Variants in TENM2 observed in about 807,000 individuals in gnomAD.
The protein encoded by TENM2 is teneurin-2.
In TENM2, 52 loss-of-function variants were observed where a neutral mutation model predicts 245.2. That is an observed-to-expected ratio of 0.21 (90% CI 0.17 to 0.27). TENM2 has a LOEUF of 0.27. TENM2 is among the 10% of genes least tolerant of loss of function. The probability of loss-of-function intolerance (pLI) is 1.00; values close to 1 mark genes in which losing one functional copy is unlikely to be tolerated. For missense variants in TENM2, 3,046 were observed against 3,666.8 expected (o/e 0.83, Z 4.37); for synonymous variants, 1,363 against 1,438.9 (o/e 0.95, Z 1.19).
the TENM2 span, among the ~76,000 whole-genome samples, chr5:167,105,103 A>G: frequency 6.6e-6 from 1 of 152,210 alleles, no homozygotes; most frequent in South Asian, 2.1e-4. Context: ...ATTTCAAGGT[A>G]TATAGATAAA....
chr5:168,135,818 G>A (rs1251419033), intron 12 of TENM2, among the ~76,000 whole-genome samples: 2 of 152,158 alleles, frequency 1.3e-5, no homozygotes, highest in South Asian at 4.1e-4. Context: ...GTGATAGGAC[G>A]AAACATCTGC....
At chr5:168,135,261 C>T (rs564728005) in intron 12 of TENM2, among the ~76,000 whole-genome samples, 1 of 152,116 alleles carries the variant, frequency 6.6e-6, no homozygotes, top group Non-Finnish European at 1.5e-5. Context: ...TTTGGTTCAT[C>T]TCCTGGGTTA....
intron 2 of TENM2, among the ~76,000 whole-genome samples, chr5:167,807,124 TAAAAAAAAAAAAAAAA>T (rs1178739925): frequency 6.7e-4 from 33 of 49,082 alleles, no homozygotes; most frequent in Middle Eastern, 0.02. Flanking sequence ...GCCCCTAGGT[TAAAAAAAAAAAAAAAA>T]AAAAAAAAAA....
At position 167,840,705 on chromosome 5, in the gene TENM2, A is replaced by G. The variant is rs1561841940; in HGVS notation, c.503-35281A>G. On this transcript the variant is annotated intron_variant, in intron 2 of 28. Coordinates refer to ENST00000518659, the Ensembl canonical transcript of TENM2. Reference sequence around the variant, plus strand: ...AATCATGAGGAAGAAAAACACCAGAATAAAAGAAACATCAATAAAATATAC... The same window carrying G: ...AATCATGAGGAAGAAAAACACCAGAGTAAAAGAAACATCAATAAAATATAC... Among the ~76,000 whole-genome samples the G allele has an allele frequency of 3.9e-5, 6 of 152,216 alleles. No homozygotes were observed. In the South Asian group the frequency reaches 1.2e-3, roughly 32 times the overall value.
At chr5:167,074,602 A>T in the TENM2 span, among the ~76,000 whole-genome samples, 1 of 152,248 alleles carries the variant, frequency 6.6e-6, no homozygotes, top group Non-Finnish European at 1.5e-5. Flanking sequence ...AGGATAAAGG[A>T]ACGTTGACAG....
chr5:166,982,792 G>GA, the TENM2 span, among the ~76,000 whole-genome samples: 1,685 of 116,452 alleles, frequency 0.014, 14 homozygotes, highest in Middle Eastern at 0.034. Flanking sequence ...TGTTTTTTTT[G>GA]GGGGGGGGAG....
rs578058962 is a variant in TENM2 at position 167,514,943 on chromosome 5, G to A, written c.502+139470G>A. On this transcript the variant is annotated intron_variant, in intron 2 of 28. Transcript: ENST00000518659. The stretch of plus-strand genomic sequence containing the variant: ...GGAGAATCGCTTGAACCCGAGAGGC[G>A]GAGGTTGCGGTGAGCCGAGATCAAG... Among the ~76,000 whole-genome samples the A allele has an allele frequency of 7.2e-5, 11 of 152,212 alleles. No homozygotes were observed. In the South Asian group the frequency reaches 1.9e-3, roughly 26 times the overall value.
chr5:167,250,485 G>T, the TENM2 span, among the ~76,000 whole-genome samples: 1 of 151,826 alleles, frequency 6.6e-6, no homozygotes, highest in East Asian at 1.9e-4. Flanking sequence ...ATTTTTTCAC[G>T]TGGCTAGTAA....
intron 5 of TENM2, among the ~76,000 whole-genome samples, chr5:168,009,067 C>A (rs183849835): frequency 6.6e-6 from 1 of 152,146 alleles, no homozygotes; most frequent in Non-Finnish European, 1.5e-5. Flanking sequence ...TCCTCCATAA[C>A]GTAGTGCTTA....
chr5:167,015,641 G>A, the TENM2 span, among the ~76,000 whole-genome samples: 1 of 151,978 alleles, frequency 6.6e-6, no homozygotes, highest in African/African-American at 2.4e-5. Context: ...ACAAATTATA[G>A]TTTGTTTGTT....
chr5:167,303,562 C>G (rs568140576), intron 1 of TENM2, among the ~76,000 whole-genome samples: 2 of 152,052 alleles, frequency 1.3e-5, no homozygotes, highest in East Asian at 3.9e-4. Flanking sequence ...AGGAACAGGC[C>G]ATTTTCATTT....
intron 2 of TENM2, among the ~76,000 whole-genome samples, chr5:167,750,294 T>A (rs888484245): frequency 6.6e-6 from 1 of 152,098 alleles, no homozygotes; most frequent in Non-Finnish European, 1.5e-5. Context: ...ATAGGCCTGT[T>A]ACAGAGAGAG....
chr5:167,438,984 G>T (rs1038477158), intron 2 of TENM2, among the ~76,000 whole-genome samples: 6 of 151,646 alleles, frequency 4.0e-5, no homozygotes, highest in Non-Finnish European at 8.8e-5. Context: ...TAGTAGAAAC[G>T]CGTTTCACTA....
rs1352024472 is a variant in TENM2 at position 167,684,653 on chromosome 5, G to T, written c.503-191333G>T. 2.6e-5 allele frequency among the ~76,000 whole-genome samples: 4 copies of T among 152,126 alleles called. No homozygotes were observed. The East Asian group carries it at 7.7e-4, about 29-fold the overall frequency. ...TAAAGTATGCTATAGGCTATTTTAA[G>T]GGTACTAAATTATTTCCTTCCATCG... On this transcript the variant is annotated intron_variant, in intron 2 of 28. Coordinates refer to ENST00000518659, the Ensembl canonical transcript of TENM2.
At chr5:168,258,325 C>T (rs565867220) in intron 27 of TENM2, among the ~76,000 whole-genome samples, 1 of 151,950 alleles carries the variant, frequency 6.6e-6, no homozygotes, top group South Asian at 2.1e-4. Context: ...CATGGTGAAA[C>T]CCTGTCTCTA....
the TENM2 span, among the ~76,000 whole-genome samples, chr5:167,276,942 T>C: frequency 2.0e-5 from 3 of 152,154 alleles, no homozygotes; most frequent in African/African-American, 7.2e-5. Context: ...TGTTCATGTC[T>C]TCAGGGCCTG....
At chr5:167,497,026 A>C (rs1768864415) in intron 2 of TENM2, among the ~76,000 whole-genome samples, 1 of 151,902 alleles carries the variant, frequency 6.6e-6, no homozygotes, top group Non-Finnish European at 1.5e-5. Context: ...ATATCTGAAG[A>C]AGAGTAAGAT....
chr5:167,045,325 C>A, the TENM2 span, among the ~76,000 whole-genome samples: 1 of 152,166 alleles, frequency 6.6e-6, no homozygotes, highest in African/African-American at 2.4e-5. Context: ...AAACACCATT[C>A]TTGAGCCATA....
At chr5:167,656,069 G>A (rs999090302) in intron 2 of TENM2, among the ~76,000 whole-genome samples, 3 of 152,170 alleles carry the variant, frequency 2.0e-5, no homozygotes, top group Non-Finnish European at 4.4e-5. Flanking sequence ...ACCAGTGGAA[G>A]CCAGAATTAC....
Sources: gnomAD v4.1 joint callset for allele counts (sites outside exome capture counted in the v4.1 genomes callset) on GRCh38, gnomAD v4.1.1 for gene constraint, MANE v1.5 for transcripts, NCBI Gene and HGNC (gene_info 2026-07-23, HGNC 2026-07-21) for gene names.